The following FBN1 variants were observed in gnomAD, a reference collection of about 807,000 sequenced individuals.
FBN1 encodes the protein fibrillin-1.
Under a neutral mutation model 365.1 loss-of-function variants are expected in FBN1, and 29 were observed. The observed-to-expected ratio is 0.08, with a 90% CI of 0.06 to 0.11. The LOEUF is 0.11. FBN1 is among the 10% of genes least tolerant of loss of function. The pLI, the probability that FBN1 is intolerant of heterozygous loss-of-function variation, is 1.00. For synonymous variants in FBN1, 1,210 were observed against 1,270.5 expected (o/e 0.95, Z 1.01); for missense variants, 2,476 against 3,703.2 (o/e 0.67, Z 8.60).
At chr15:48,592,457 C>T (rs1261255900) in intron 6 of FBN1, among the ~76,000 whole-genome samples, 1 of 152,100 alleles carries the variant, frequency 6.6e-6, no homozygotes, top group African/African-American at 2.4e-5. Context: ...GTAACTATGG[C>T]AATATACGAC....
Position 48,442,101 on chromosome 15 carries a change from T to C in FBN1, c.6038-255A>G, listed in dbSNP as rs577127316. On this transcript the variant is annotated intron_variant, in intron 49 of 65. Transcript: ENST00000316623. ...AAGGGGTGCAGTGACAAACGTCTCTTACCCAGACTGAGTTGCTTGGCTAAC... is the reference window on the plus strand; with the variant it reads ...AAGGGGTGCAGTGACAAACGTCTCTCACCCAGACTGAGTTGCTTGGCTAAC... Among the ~76,000 whole-genome samples, 224 of 152,340 alleles carry C rather than the reference T, an allele frequency of 1.5e-3. 2 individuals are homozygous for C. The highest frequency in any genetic ancestry group is 2.6e-3 in the Non-Finnish European group (178 of 68,028).
chr15:48,628,018 C>A (rs1889917301), intron 2 of FBN1, among the ~76,000 whole-genome samples: 1 of 152,192 alleles, frequency 6.6e-6, no homozygotes, highest in Non-Finnish European at 1.5e-5. Context: ...GACGAAAAAG[C>A]AGTTCCAAAA....
Position 48,562,533 on chromosome 15 carries a change from G to A in FBN1, c.539-24725C>T, listed in dbSNP as rs967881839. Among the ~76,000 whole-genome samples the A allele has an allele frequency of 2.6e-5, 4 of 152,330 alleles. 1 individual carries two copies. The highest frequency in any genetic ancestry group is 5.9e-5 in the Non-Finnish European group (4 of 68,026). Reference sequence around the variant, plus strand: ...TCGCCATCAGCAAAGGGAAATGTGAGTGCCTTTAAATTAACTCAAGTCTTG... The same window carrying A: ...TCGCCATCAGCAAAGGGAAATGTGAATGCCTTTAAATTAACTCAAGTCTTG... On this transcript the variant is annotated intron_variant, in intron 6 of 65. Coordinates refer to ENST00000316623, the MANE Select transcript of FBN1 (RefSeq NM_000138.5).
chr15:48,460,681 G>A (rs1043044844), intron 42 of FBN1, among the ~76,000 whole-genome samples: 2 of 152,004 alleles, frequency 1.3e-5, no homozygotes, highest in African/African-American at 2.4e-5. Flanking sequence ...GAGATCTAGG[G>A]TTTGAGGAAC....
chr15:48,488,402 G>GC lies in FBN1; in HGVS notation c.3173dup (p.Phe1059LeufsTer4). ...TCCTTTCTTCAGAATCAAGAGCAAA[G>GC]CCGCTGTCACACCTGCACTTAAAGC... is the stretch of plus-strand genomic sequence containing the variant. On this transcript the variant is annotated frameshift_variant, in exon 26 of 66. Transcript: ENST00000316623. LOFTEE classifies it high-confidence loss of function. 1 of 1,614,196 alleles carries GC rather than the reference G, an allele frequency of 6.2e-7. No homozygotes were observed. Among genetic ancestry groups the GC allele is most frequent in the Non-Finnish European group, 8.5e-7 (1 of 1,180,028 alleles).
At chr15:48,472,941 G>T (rs545256464) in intron 34 of FBN1, among the ~76,000 whole-genome samples, 1 of 152,232 alleles carries the variant, frequency 6.6e-6, no homozygotes, top group Non-Finnish European at 1.5e-5. Flanking sequence ...TTCAAGAAGG[G>T]TCATCCGCAT....
At chr15:48,567,976 AAAAG>A (rs1485098682) in intron 6 of FBN1, among the ~76,000 whole-genome samples, 1 of 147,746 alleles carries the variant, frequency 6.8e-6, no homozygotes, top group Admixed American at 6.9e-5. Flanking sequence ...TGATGCAAAG[AAAAG>A]AAATTAAAGT....
intron 6 of FBN1, among the ~76,000 whole-genome samples, chr15:48,562,619 G>C (rs993887127): frequency 1.3e-5 from 2 of 152,170 alleles, no homozygotes; most frequent in African/African-American, 4.8e-5. Flanking sequence ...CAAGGACAAA[G>C]ATTGCTATTT....
chr15:48,430,961 A>T (rs1167071842), intron 55 of FBN1, among the ~76,000 whole-genome samples, 159 bp from the exon 56 acceptor site: 1 of 152,210 alleles, frequency 6.6e-6, no homozygotes, highest in Non-Finnish European at 1.5e-5. Context: ...TGATCTCTAA[A>T]GAATGGAAAG....
At chr15:48,433,512 C>T (rs565335052) in intron 54 of FBN1, among the ~76,000 whole-genome samples, 1 of 152,266 alleles carries the variant, frequency 6.6e-6, no homozygotes, top group Non-Finnish European at 1.5e-5. Flanking sequence ...AAATAGTGTT[C>T]CAGATCATTT....
intron 32 of FBN1, among the ~76,000 whole-genome samples, chr15:48,481,308 G>C (rs34905722): frequency 6.6e-6 from 1 of 152,132 alleles, no homozygotes; most frequent in Non-Finnish European, 1.5e-5. Flanking sequence ...GAGGTTATTG[G>C]AAAAGGCTTG....
chr15:48,524,900 G>A (rs537608668), intron 9 of FBN1, among the ~76,000 whole-genome samples: 3 of 152,090 alleles, frequency 2.0e-5, no homozygotes, highest in Non-Finnish European at 4.4e-5. Context: ...GGATACATTT[G>A]ATAAAAAGAA....
intron 3 of FBN1, among the ~76,000 whole-genome samples, 196 bp downstream of exon 3, chr15:48,612,814 C>T (rs1399018915): frequency 2.0e-5 from 3 of 152,156 alleles, no homozygotes; most frequent in East Asian, 1.9e-4. Context: ...AAAGTATCCC[C>T]GTGACTAAAC....
intron 31 of FBN1, among the ~76,000 whole-genome samples, chr15:48,482,599 TCTGGGCATC>T (rs1165664025): frequency 6.6e-6 from 1 of 152,108 alleles, no homozygotes; most frequent in East Asian, 1.9e-4. Context: ...AGGAGATGAA[TCTGGGCATC>T]CTGGAAGGCT....
Position 48,463,247 on chromosome 15 carries a change from G to C in FBN1, c.5066-7C>G, listed in dbSNP as rs377369765. 69 of 1,613,144 alleles carry C rather than the reference G, an allele frequency of 4.3e-5. No individual in the cohort carries two copies. The highest frequency in any genetic ancestry group is 5.5e-5 in the Non-Finnish European group (65 of 1,179,676). ...CACAAACTTCTTCTCATATCTAGAAGGGAGGTAAAAAAAAGGATTGGAGGG... is the reference window on the plus strand; with the variant it reads ...CACAAACTTCTTCTCATATCTAGAACGGAGGTAAAAAAAAGGATTGGAGGG... On this transcript the variant is annotated splice_polypyrimidine_tract_variant and splice_region_variant and intron_variant, in intron 41 of 65. Transcript: ENST00000316623.
chr15:48,441,448 C>T (rs534972147), intron 50 of FBN1, among the ~76,000 whole-genome samples: 7 of 152,148 alleles, frequency 4.6e-5, no homozygotes, highest in African/African-American at 1.7e-4. Context: ...AGGTGTTTCC[C>T]CACTGATGGG....
intron 5 of FBN1, among the ~76,000 whole-genome samples, chr15:48,599,703 G>C (rs2044546967): frequency 2.6e-5 from 4 of 152,158 alleles, no homozygotes; most frequent in Admixed American, 6.5e-5. Flanking sequence ...TGAGAGGGAT[G>C]CAGATACCAC....
intron 39 of FBN1, 32 bp downstream of exon 39, chr15:48,465,758 T>C (rs1398176138): frequency 6.2e-7 from 1 of 1,613,012 alleles, no homozygotes; most frequent in Non-Finnish European, 8.5e-7. Context: ...ATTCAAGTTG[T>C]GTGTGCTTTA....
chr15:48,544,007 TAGAG>T (rs1377231793), intron 6 of FBN1, among the ~76,000 whole-genome samples: 1 of 152,004 alleles, frequency 6.6e-6, no homozygotes, highest in African/African-American at 2.4e-5. Flanking sequence ...TACATACACA[TAGAG>T]AGCTATTATG....
Sources: allele counts gnomAD v4.1 joint callset (sites outside exome capture counted in the v4.1 genomes callset), GRCh38; gene constraint gnomAD v4.1.1; transcripts MANE v1.5; gene names NCBI Gene and HGNC (gene_info 2026-07-23, HGNC 2026-07-21).